Variants in EGFL7 observed in about 807,000 individuals in gnomAD.
The protein encoded by EGFL7 is EGF like domain multiple 7, also known as epidermal growth factor-like protein 7.
EGFL7 carries 48 observed loss-of-function variants against 37.1 expected under a neutral mutation model. That is an observed-to-expected ratio of 1.29 (90% CI 1.03 to 1.65). The LOEUF is 1.65. EGFL7 is among the 40% of genes most tolerant of loss of function. EGFL7 has a pLI of 0.00. For synonymous variants in EGFL7, 180 were observed against 156.8 expected, an observed-to-expected ratio of 1.15 and a Z score of -1.10; for missense variants, 384 against 378.9, an observed-to-expected ratio of 1.01 and a Z score of -0.11.
rs781514618 is a variant in EGFL7 at position 136,668,588 on chromosome 9, G to T, written c.112G>T (p.Asp38Tyr). 1.3e-5 allele frequency: 21 copies of T among 1,608,868 alleles called. No homozygotes were observed. The highest frequency in any genetic ancestry group is 1.2e-5 in the Non-Finnish European group (14 of 1,179,776). ...GGTGTGTGCTGTCCGGGCTCACGGG[G>T]ACCCTGTCTCCGAGTCGTTCGTGCA... ...RRVCAVRAHGDPVSESFVQRV... is the reference protein window; with the variant it reads ...RRVCAVRAHGYPVSESFVQRV... Residue 38 changes from aspartate (D) to tyrosine (Y), a missense_variant, in exon 5 of 11, where the codon GAC becomes TAC. Coordinates refer to ENST00000308874, the MANE Select transcript of EGFL7 (RefSeq NM_016215.5).
intron 5 of EGFL7, 133 bp from the exon 6 acceptor site, chr9:136,669,473 C>A (rs1342186228): frequency 1.5e-6 from 1 of 655,760 alleles, no homozygotes; most frequent in East Asian, 2.8e-5. Context: ...CCCCTCAGTG[C>A]CATCCCTTGA....
rs1247445346 is a variant in EGFL7, at chr9:136,670,266, G to A, written c.507G>A (p.Leu169=). 2.5e-6 allele frequency: 4 copies of A among 1,612,048 alleles called. No individual in the cohort carries two copies. The highest frequency in any genetic ancestry group is 1.7e-5 in the Admixed American group (1 of 59,966). Residue 169 remains leucine (L), a synonymous_variant, in exon 8 of 11, where the codon CTG becomes CTA. Coordinates refer to ENST00000308874, the MANE Select transcript of EGFL7 (RefSeq NM_016215.5). ...YWCQCWEGHS[L]SADGTLCVPK... ...GCCAGTGTTGGGAGGGGCACAGCCT[G>A]TCTGCAGACGGTACACTCTGTGTGC...
rs1313076516 is a variant in EGFL7 at position 136,666,356 on chromosome 9, TG to T, written c.-43+1576del. Among the ~76,000 whole-genome samples, 1 of 143,596 alleles carries T rather than the reference TG, an allele frequency of 7.0e-6. No homozygotes were observed. Among genetic ancestry groups the T allele is most frequent in the African/African-American group, 2.5e-5 (1 of 40,220 alleles). 94.2% of individuals were successfully genotyped at this position (143,596 alleles called of 152,430 possible). A position where few individuals can be genotyped will look rare whatever the true frequency, so the allele number is the denominator to read the frequency against. The stretch of plus-strand genomic sequence containing the variant: ...CTCTGCGGACCCGGCCTCTCGCGGG[TG>T]GGGGCTGCGGGGCTGCTGCCGGGCA... On this transcript the variant is annotated intron_variant, in intron 3 of 10. Coordinates refer to ENST00000308874, the MANE Select transcript of EGFL7 (RefSeq NM_016215.5). This position sits in a 1 kb window ranked among gnomAD's most constrained non-coding sequence, Gnocchi z 6.8.
upstream of EGFL7, among the ~76,000 whole-genome samples, chr9:136,660,639 C>T (rs560898423): frequency 8.1e-4 from 124 of 152,290 alleles, no homozygotes; most frequent in African/African-American, 2.8e-3. Context: ...GTCAGTTCAC[C>T]GGGAAGGCCC....
chr9:136,670,489 C>T, intron 8 of EGFL7, 159 bp downstream of exon 8: 1 of 997,430 alleles, frequency 1.0e-6, no homozygotes, highest in Non-Finnish European at 1.5e-6. Context: ...AGGTGGGTTC[C>T]CGAGAACTGG....
At chr9:136,670,885 A>C in intron 8 of EGFL7, 65 bp from the exon 9 acceptor site, 1 of 1,410,592 alleles carries the variant, frequency 7.1e-7, no homozygotes, top group Non-Finnish European at 9.7e-7. Context: ...TGGGGACAGG[A>C]GGGAGCCTGG....
At chr9:136,668,391 G>A (rs1433403424) in intron 4 of EGFL7, 29 bp downstream of exon 4, 1 of 1,556,662 alleles carries the variant, frequency 6.4e-7, no homozygotes, top group Admixed American at 1.8e-5. Flanking sequence ...TGGGAGTGCT[G>A]GGGTGGGGGG....
chr9:136,661,509 G>A (rs534513914), upstream of EGFL7, among the ~76,000 whole-genome samples: 76 of 152,250 alleles, frequency 5.0e-4, no homozygotes, highest in Admixed American at 4.9e-3. Context: ...GGCCCCTCCC[G>A]CTCAGACCAG....
chr9:136,666,875 C>T lies in EGFL7; in HGVS notation c.-42-1366C>T, dbSNP rs999350795. Among the ~76,000 whole-genome samples the T allele has an allele frequency of 6.6e-6, 1 of 152,180 alleles. No homozygotes were observed. The highest frequency in any genetic ancestry group is 2.4e-5 in the African/African-American group (1 of 41,454). The stretch of plus-strand genomic sequence containing the variant: ...GAGTTAATCTCCAGCCAGCTCTGCC[C>T]CCTCGACAAACTCCTGCCCAAAAAC... On this transcript the variant is annotated intron_variant, in intron 3 of 10. Transcript: ENST00000308874. This position sits in a 1 kb window ranked among gnomAD's most constrained non-coding sequence, Gnocchi z 6.8.
upstream of EGFL7, chr9:136,660,266 C>T (rs1845060793): frequency 6.6e-6 from 1 of 152,418 alleles, no homozygotes; most frequent in Non-Finnish European, 1.5e-5. Flanking sequence ...CCCCGCCCCT[C>T]CTGTCCCCGC....
chr9:136,666,101 G>C lies in EGFL7; in HGVS notation c.-43+1316G>C, dbSNP rs1845456068. 1.4e-5 allele frequency among the ~76,000 whole-genome samples: 2 copies of C among 147,122 alleles called. No individual in the cohort carries two copies. Among genetic ancestry groups the C allele is most frequent in the South Asian group, 4.2e-4 (2 of 4,812 alleles). The stretch of plus-strand genomic sequence containing the variant: ...CGGGCGGCGCGGCGGGGAGGGCCGG[G>C]GTCGCCGCGGCCCCTCGTCCGACCC... On this transcript the variant is annotated intron_variant, in intron 3 of 10. Coordinates refer to ENST00000308874, the MANE Select transcript of EGFL7 (RefSeq NM_016215.5). The surrounding 1 kb of genome is among the most constrained non-coding windows in gnomAD (Gnocchi z 6.8).
chr9:136,668,728 A>G (rs1261147320), intron 5 of EGFL7, 55 bp downstream of exon 5: 2 of 1,437,520 alleles, frequency 1.4e-6, no homozygotes, highest in Non-Finnish European at 1.9e-6. Context: ...AGTCGGCCAC[A>G]CATCAGCATG....
At position 136,670,282 on chromosome 9, in the gene EGFL7, C is replaced by G. The variant is rs1845761514; in HGVS notation, c.523C>G (p.Leu175Val). Residue 175 changes from leucine to valine, a missense_variant, in exon 8 of 11, where the codon CTC becomes GTC. Leu to Val is a conservative substitution (Grantham distance 32). Transcript: ENST00000308874. Reference protein sequence around the residue: ...EGHSLSADGTLCVPKGGPPRV... With the variant: ...EGHSLSADGTVCVPKGGPPRV... ...GCACAGCCTGTCTGCAGACGGTACACTCTGTGTGCCCAAGGGAGGGCCCCC... is the reference window on the plus strand; with the variant it reads ...GCACAGCCTGTCTGCAGACGGTACAGTCTGTGTGCCCAAGGGAGGGCCCCC... 1 of 1,608,560 alleles carries G rather than the reference C, an allele frequency of 6.2e-7. No individual in the cohort carries two copies. The highest frequency in any genetic ancestry group is 1.3e-5 in the African/African-American group (1 of 74,870).
chr9:136,662,471 TG>T (rs532972013), upstream of EGFL7, among the ~76,000 whole-genome samples: 58 of 152,326 alleles, frequency 3.8e-4, no homozygotes, highest in African/African-American at 1.3e-3. Flanking sequence ...TGCCTTGGCC[TG>T]GGGCCCCTCC....
chr9:136,667,605 C>T (rs1845555879), intron 3 of EGFL7, among the ~76,000 whole-genome samples: 1 of 152,196 alleles, frequency 6.6e-6, no homozygotes, highest in Non-Finnish European at 1.5e-5. Flanking sequence ...CCCAGGATCC[C>T]TGGAGGCTGA....
At chr9:136,668,533 C>A in intron 4 of EGFL7, 24 bp from the exon 5 acceptor site, 1 of 1,600,426 alleles carries the variant, frequency 6.2e-7, no homozygotes. Context: ...GACTCCTGGG[C>A]TGACCCCCTC....
intron 4 of EGFL7, 33 bp from the exon 5 acceptor site, chr9:136,668,524 A>G (rs1442083194): frequency 3.1e-6 from 5 of 1,593,104 alleles, no homozygotes; most frequent in Non-Finnish European, 4.3e-6. Flanking sequence ...CTGCTCTGGG[A>G]CTCCTGGGCT....
At chr9:136,670,795 C>T in intron 8 of EGFL7, 155 bp from the exon 9 acceptor site, 1 of 774,752 alleles carries the variant, frequency 1.3e-6, no homozygotes, top group South Asian at 1.5e-5. Context: ...GCGGCATAGC[C>T]CTGAGACCTC....
intron 3 of EGFL7, among the ~76,000 whole-genome samples, 153 bp from the exon 4 acceptor site, chr9:136,668,088 G>A (rs1370885540): frequency 1.3e-5 from 2 of 152,218 alleles, no homozygotes; most frequent in African/African-American, 4.8e-5. Flanking sequence ...GAGGGGGCCA[G>A]CGGAGGAGAG....
Sources: gnomAD v4.1 joint callset for allele counts (sites outside exome capture counted in the v4.1 genomes callset) on GRCh38, gnomAD v4.1.1 for gene constraint, Gnocchi (gnomAD v3.1) non-coding constraint, MANE v1.5 for transcripts, NCBI Gene and HGNC (gene_info 2026-07-23, HGNC 2026-07-21) for gene names.